The following ZNF177 variants were observed in gnomAD, a reference collection of about 807,000 sequenced individuals.
ZNF177 encodes the protein zinc finger protein 177.
In ZNF177, 17 loss-of-function variants were observed where a neutral mutation model predicts 19.4. The observed-to-expected ratio is 0.87, with a 90% CI of 0.60 to 1.31. The LOEUF (loss-of-function observed/expected upper bound fraction) is 1.31, where lower values mean the gene tolerates loss of function less well. Ranked by LOEUF, ZNF177 falls within the 40% of genes most tolerant of loss-of-function variation. ZNF177 has a pLI of 0.00. For missense variants in ZNF177, 633 were observed against 561.8 expected (o/e 1.13, Z -1.28); for synonymous variants, 220 against 188.7 (o/e 1.17, Z -1.36).
exon 6 of ZNF177, chr19:9,380,843 T>C (rs1248352238): frequency 5.9e-6 from 9 of 1,536,012 alleles, no homozygotes; most frequent in African/African-American, 2.7e-5. Context: ...AGCATTCACA[T>C]TGGAGAGAAA....
chr19:9,380,112 G>C, exon 5 of ZNF177: 2 of 1,611,086 alleles, frequency 1.2e-6, no homozygotes, highest in Non-Finnish European at 1.7e-6. Flanking sequence ...ACATTCCTGG[G>C]GGAAAAACAT....
intron 1 of ZNF177, among the ~76,000 whole-genome samples, chr19:9,377,533 T>G (rs183635515): frequency 6.6e-6 from 1 of 152,206 alleles, no homozygotes; most frequent in East Asian, 1.9e-4. Context: ...ATACTCAAGA[T>G]CCTAACCCTA....
In ZNF177 at chr19:9,380,954, A is replaced by G. The variant is rs749858430; in HGVS notation, c.623A>G (p.Gln208Arg). Residue 208 changes from glutamine to arginine, a missense_variant, in exon 6 of 6, where the codon CAA (glutamine) becomes CGA (arginine). By Grantham distance (43) the Gln-to-Arg change is conservative. Coordinates refer to ENST00000589262, the Ensembl canonical transcript of ZNF177. ...GGACAGAAGTTTCAGGAGTATGAGC[A>G]ATGTGATATGTCCTTCAGCCTACAC... is the stretch of plus-strand genomic sequence containing the variant. 13 of 1,538,520 alleles carry G rather than the reference A, an allele frequency of 8.4e-6. No homozygotes were observed. In the South Asian group the frequency reaches 1.3e-4, roughly 15 times the overall value.
chr19:9,379,722 C>A, intron 4 of ZNF177, 103 bp downstream of exon 6: 1 of 1,345,974 alleles, frequency 7.4e-7, no homozygotes, highest in Non-Finnish European at 1.0e-6. Context: ...ATGACATGAG[C>A]TTCCTTCCTG....
At chr19:9,380,343 A>G (rs764931824) in intron 5 of ZNF177, among the ~76,000 whole-genome samples, 1 of 152,208 alleles carries the variant, frequency 6.6e-6, no homozygotes, top group Non-Finnish European at 1.5e-5. Context: ...GCTCACAGAG[A>G]ATAACCACAA....
exon 6 of ZNF177, chr19:9,381,896 C>G: frequency 7.0e-7 from 1 of 1,432,450 alleles, no homozygotes; most frequent in Non-Finnish European, 9.3e-7. Context: ...CTCTGGATGC[C>G]TGTTATACTG....
exon 6 of ZNF177, chr19:9,381,500 A>T: frequency 6.2e-7 from 1 of 1,614,168 alleles, no homozygotes; most frequent in South Asian, 1.1e-5. Context: ...ACACGCTCTC[A>T]CACTGGAGAG....
intron 3 of ZNF177, among the ~76,000 whole-genome samples, 153 bp from the exon 6 acceptor site, chr19:9,379,370 TGAAA>T (rs1414461840): frequency 1.3e-5 from 2 of 152,256 alleles, no homozygotes; most frequent in Non-Finnish European, 2.9e-5. Context: ...TTGGTTCTTG[TGAAA>T]GAAAGAGCTC....
At chr19:9,373,066 T>TTA (rs1157691278), upstream of ZNF177, among the ~76,000 whole-genome samples, 1 of 152,192 alleles carries the variant, frequency 6.6e-6, no homozygotes, top group East Asian at 1.9e-4. Context: ...CATCATTAAC[T>TTA]ATAGTCACCA....
chr19:9,379,208 C>A (rs1212874527), intron 3 of ZNF177, 120 bp downstream of exon 5: 8 of 1,429,782 alleles, frequency 5.6e-6, no homozygotes, highest in East Asian at 5.0e-5. Flanking sequence ...TGAATGGTCC[C>A]TGCCCTTGAG....
intron 1 of ZNF177, among the ~76,000 whole-genome samples, chr19:9,364,312 T>G (rs1397900699): frequency 6.6e-6 from 1 of 152,154 alleles, no homozygotes; most frequent in Non-Finnish European, 1.5e-5. Flanking sequence ...CAACTGCAGC[T>G]AGAGTCAACT....
upstream of ZNF177, among the ~76,000 whole-genome samples, chr19:9,372,680 G>A (rs991115780): frequency 6.6e-5 from 10 of 150,878 alleles, no homozygotes; most frequent in African/African-American, 2.2e-4. Flanking sequence ...CGAGTAGCTG[G>A]GATTACAGGC....
At chr19:9,380,352 A>C (rs2068176172) in intron 5 of ZNF177, among the ~76,000 whole-genome samples, 1 of 152,210 alleles carries the variant, frequency 6.6e-6, no homozygotes, top group Non-Finnish European at 1.5e-5. Context: ...GAATAACCAC[A>C]AGTAAACATC....
At chr19:9,372,694 T>C (rs1391579242), upstream of ZNF177, among the ~76,000 whole-genome samples, 1 of 151,624 alleles carries the variant, frequency 6.6e-6, no homozygotes, top group Non-Finnish European at 1.5e-5. Context: ...TACAGGCACC[T>C]GCCACCACAC....
At position 9,381,253 on chromosome 19, in the gene ZNF177, GGA is replaced by G. The variant is rs759708661; in HGVS notation, c.927_928del (p.Lys310AlafsTer3). ...TAAGAAACACATGAGATCTCATACT[GGA>G]GAGAAGCCTTATGAGTGTGATCACT... On this transcript the variant is annotated frameshift_variant, in exon 6 of 6. Transcript: ENST00000589262. LOFTEE classifies it low-confidence loss of function (END_TRUNC). 1 of 1,614,150 alleles carries G rather than the reference GGA, an allele frequency of 6.2e-7. No homozygotes were observed. Among genetic ancestry groups the G allele is most frequent in the South Asian group, 1.1e-5 (1 of 91,082 alleles).
intron 2 of ZNF177, among the ~76,000 whole-genome samples, chr19:9,371,360 T>G (rs1368267166): frequency 6.6e-6 from 1 of 152,218 alleles, no homozygotes; most frequent in Non-Finnish European, 1.5e-5. Flanking sequence ...TCCACTGATT[T>G]ATTGAAGAAA....
At chr19:9,366,252 A>T (rs1052328131) in intron 2 of ZNF177, among the ~76,000 whole-genome samples, 6 of 151,862 alleles carry the variant, frequency 4.0e-5, no homozygotes, top group Admixed American at 1.3e-4. Context: ...AAGTGCTGGG[A>T]CTACAGGCGT....
chr19:9,363,473 G>A (rs1270134746), intron 1 of ZNF177, among the ~76,000 whole-genome samples: 2 of 152,110 alleles, frequency 1.3e-5, no homozygotes, highest in African/African-American at 4.8e-5. Context: ...TGTGGAGATC[G>A]TCCCTTTTTT....
At chr19:9,378,933 T>A in intron 2 of ZNF177, 29 bp from the exon 5 acceptor site, 1 of 1,570,918 alleles carries the variant, frequency 6.4e-7, no homozygotes, top group Non-Finnish European at 8.7e-7. Flanking sequence ...GGTCATTGGC[T>A]GAGCCAGAAT....
Sources: gnomAD v4.1 joint callset for allele counts (sites outside exome capture counted in the v4.1 genomes callset) on GRCh38, gnomAD v4.1.1 for gene constraint, MANE v1.5 for transcripts, NCBI Gene and HGNC (gene_info 2026-07-23, HGNC 2026-07-21) for gene names.